ACOX2: variants seen among roughly 807,000 people sequenced by gnomAD.
The protein encoded by ACOX2 is acyl-CoA oxidase 2.
ACOX2 carries 59 observed loss-of-function variants against 77.5 expected under a neutral mutation model. The observed-to-expected ratio is 0.76, with a 90% confidence interval of 0.62 to 0.95. ACOX2 has a LOEUF of 0.95. Ranked by LOEUF, ACOX2 falls within the 40% of genes least tolerant of loss-of-function variation. The pLI is 0.00. For missense variants in ACOX2, 837 were observed against 880.4 expected (o/e 0.95, Z 0.62); for synonymous variants, 317 against 340.1 (o/e 0.93, Z 0.75).
chr3:58,516,379 C>T (rs2063322223), intron 13 of ACOX2, among the ~76,000 whole-genome samples: 1 of 152,200 alleles, frequency 6.6e-6, no homozygotes, highest in African/African-American at 2.4e-5. Context: ...TTGTACCCAG[C>T]CCCTCCTCTG....
intron 12 of ACOX2, among the ~76,000 whole-genome samples, chr3:58,520,946 C>G (rs2063353902): frequency 6.6e-6 from 1 of 152,206 alleles, no homozygotes. Flanking sequence ...TTTCCTCACC[C>G]TTGAAGTGGA....
rs2063372330 is a variant in ACOX2, at chr3:58,523,254, A to G, written c.1527-653T>C. Among the ~76,000 whole-genome samples, 1 of 152,228 alleles carries G rather than the reference A, an allele frequency of 6.6e-6. No individual in the cohort carries two copies. The highest frequency in any genetic ancestry group is 1.5e-5 in the Non-Finnish European group (1 of 68,050). ...TTTTTTGCTTTGTCAGGGAATAGAT[A>G]AGCAGATGTCACACTGAGTTTCAAG... is the stretch of plus-strand genomic sequence containing the variant. On this transcript the variant is annotated intron_variant, in intron 11 of 14. Transcript: ENST00000302819. The surrounding 1 kb of genome is among the most constrained non-coding windows in gnomAD (Gnocchi z 5.3).
intron 8 of ACOX2, among the ~76,000 whole-genome samples, chr3:58,529,783 C>T (rs537861585): frequency 5.3e-5 from 8 of 152,362 alleles, no homozygotes; most frequent in African/African-American, 1.9e-4. Context: ...TCACCCTCCA[C>T]ACCACACTGA....
Position 58,531,878 on chromosome 3 carries a change from A to G in ACOX2, c.584-66T>C. The stretch of plus-strand genomic sequence containing the variant: ...GTGCATTGCTTTTCCCAACCAACCC[A>G]GCCTCCTGGGGCTGGGGTTTTGGAT... On this transcript the variant is annotated intron_variant, in intron 5 of 14. Coordinates refer to ENST00000302819, the MANE Select transcript of ACOX2 (RefSeq NM_003500.4). This position sits in a 1 kb window ranked among gnomAD's most constrained non-coding sequence, Gnocchi z 5.8. 4.6e-6 allele frequency: 7 copies of G among 1,530,852 alleles called. No individual in the cohort carries two copies. Among genetic ancestry groups the G allele is most frequent in the Non-Finnish European group, 6.1e-6 (7 of 1,140,946 alleles). The allele number at this position is 1,530,852 out of a possible 1,614,324, so 94.8% of individuals were successfully genotyped here.
At position 58,517,287 on chromosome 3, in the gene ACOX2, TC is replaced by T; in HGVS notation, c.1768del (p.Asp590ThrfsTer26). ...AIHGILTNSG[D>X]FLHDAFLSGA... ...AGACAGGAAGGCGTCATGGAGAAAG[TC>T]ACCCGAGTTAGTCAAGATTCCATGT... On this transcript the variant is annotated frameshift_variant, in exon 13 of 15. Coordinates refer to ENST00000302819, the MANE Select transcript of ACOX2 (RefSeq NM_003500.4). LOFTEE classifies it high-confidence loss of function. 1 of 1,614,196 alleles carries T rather than the reference TC, an allele frequency of 6.2e-7. No homozygotes were observed. The highest frequency in any genetic ancestry group is 8.5e-7 in the Non-Finnish European group (1 of 1,180,040).
chr3:58,520,982 C>A (rs1352901059), intron 12 of ACOX2, among the ~76,000 whole-genome samples: 1 of 152,196 alleles, frequency 6.6e-6, no homozygotes, highest in Non-Finnish European at 1.5e-5. Flanking sequence ...CCTCCCAGGG[C>A]TGTGTGGATT....
Position 58,521,294 on chromosome 3 carries a change from G to T in ACOX2, c.1632+1202C>A, listed in dbSNP as rs563947709. ...GCCTGACCAGCCCTGTCCCACGAGG[G>T]CCTCTGCAGCCCTTCAGGGCTCTCC... On this transcript the variant is annotated intron_variant, in intron 12 of 14. Coordinates refer to ENST00000302819, the MANE Select transcript of ACOX2 (RefSeq NM_003500.4). The surrounding 1 kb of genome is among the most constrained non-coding windows in gnomAD (Gnocchi z 4.8). Among the ~76,000 whole-genome samples, 3 of 152,196 alleles carry T rather than the reference G, an allele frequency of 2.0e-5. No individual in the cohort carries two copies. The highest frequency in any genetic ancestry group is 7.2e-5 in the African/African-American group (3 of 41,442).
At chr3:58,530,139 C>T (rs1249718040) in intron 8 of ACOX2, among the ~76,000 whole-genome samples, 1 of 152,382 alleles carries the variant, frequency 6.6e-6, no homozygotes, top group South Asian at 2.1e-4. Flanking sequence ...CCGCACAGAA[C>T]ACGGCTGGAC....
In ACOX2 at chr3:58,531,889, G is replaced by T. The variant is rs946625581; in HGVS notation, c.584-77C>A. Reference sequence around the variant, plus strand: ...TTCCCAACCAACCCAGCCTCCTGGGGCTGGGGTTTTGGATGGGTACCTCTG... The same window carrying T: ...TTCCCAACCAACCCAGCCTCCTGGGTCTGGGGTTTTGGATGGGTACCTCTG... On this transcript the variant is annotated intron_variant, in intron 5 of 14. Transcript: ENST00000302819. This position sits in a 1 kb window ranked among gnomAD's most constrained non-coding sequence, Gnocchi z 5.8. 26 of 1,507,306 alleles carry T rather than the reference G, an allele frequency of 1.7e-5. No homozygotes were observed. The East Asian group carries it at 4.7e-4, about 27-fold the overall frequency. 93.4% of individuals were successfully genotyped at this position (1,507,306 alleles called of 1,614,324 possible).
Position 58,522,365 on chromosome 3 carries a change from G to C in ACOX2, c.1632+131C>G. On this transcript the variant is annotated intron_variant, in intron 12 of 14. Transcript: ENST00000302819. The surrounding 1 kb of genome is among the most constrained non-coding windows in gnomAD (Gnocchi z 4.3). ...TTAAAATACCCTGGACTAAAGCCTT[G>C]GAAGTGAAATGAGGGCAGCCGCCAC... 1 of 792,604 alleles carries C rather than the reference G, an allele frequency of 1.3e-6. No individual in the cohort carries two copies. Among genetic ancestry groups the C allele is most frequent in the Non-Finnish European group, 2.1e-6 (1 of 483,464 alleles). 49.1% of individuals were successfully genotyped at this position (792,604 alleles called of 1,614,324 possible).
Position 58,515,086 on chromosome 3 carries a change from C to T in ACOX2, c.1850+2120G>A, listed in dbSNP as rs185725577. 1.3e-4 allele frequency among the ~76,000 whole-genome samples: 20 copies of T among 151,904 alleles called. No homozygotes were observed. The highest frequency in any genetic ancestry group is 3.9e-4 in the East Asian group (2 of 5,156). ...TCGCCAAGGCTGGAGTGCAGTGGTA[C>T]GATCTTGGCTCACGGCAGCCTCTGC... is the stretch of plus-strand genomic sequence containing the variant. On this transcript the variant is annotated intron_variant, in intron 13 of 14. Transcript: ENST00000302819. This position sits in a 1 kb window ranked among gnomAD's most constrained non-coding sequence, Gnocchi z 4.0.
rs1218415125 is a variant in ACOX2, at chr3:58,524,479, G to A, written c.1473C>T (p.Ala491=). 5.1e-6 allele frequency: 8 copies of A among 1,562,184 alleles called. No homozygotes were observed. In the South Asian group the frequency reaches 5.9e-5, roughly 11 times the overall value. Reference sequence around the variant, plus strand: ...TGTAGAGCTCCGGGCAGAGGAAGTCGGCTGCCCTCTGGGCTGGACACCTGG... The same window carrying A: ...TGTAGAGCTCCGGGCAGAGGAAGTCAGCTGCCCTCTGGGCTGGACACCTGG... ...DLARCPAQRA[A]DFLCPELYTT... The change falls in exon 11 of 15, where the codon GCC becomes GCT. Residue 491 remains alanine, a synonymous_variant. Coordinates refer to ENST00000302819, the MANE Select transcript of ACOX2 (RefSeq NM_003500.4). This position sits in a 1 kb window ranked among gnomAD's most constrained non-coding sequence, Gnocchi z 5.5.
In ACOX2 at chr3:58,528,704, G is replaced by T; in HGVS notation, c.1155+90C>A. 1 of 1,427,292 alleles carries T rather than the reference G, an allele frequency of 7.0e-7. No individual in the cohort carries two copies. Among genetic ancestry groups the T allele is most frequent in the Non-Finnish European group, 9.2e-7 (1 of 1,082,440 alleles). 88.4% of individuals were successfully genotyped at this position (1,427,292 alleles called of 1,614,324 possible). ...AGAGGTGGGGGTGGGGAGTGCCCAT[G>T]GGGATGGGGCTGTGGCTGCTCCCCA... On this transcript the variant is annotated intron_variant, in intron 9 of 14. Coordinates refer to ENST00000302819, the MANE Select transcript of ACOX2 (RefSeq NM_003500.4). This position sits in a 1 kb window ranked among gnomAD's most constrained non-coding sequence, Gnocchi z 5.6.
At chr3:58,529,790 C>CT (rs1401634990) in intron 8 of ACOX2, among the ~76,000 whole-genome samples, 2 of 152,254 alleles carry the variant, frequency 1.3e-5, no homozygotes, top group Admixed American at 6.5e-5. Flanking sequence ...CCACACCACA[C>CT]TGAAAGGCCA....
In ACOX2 at chr3:58,523,803, G is replaced by C. The variant is rs1361363597; in HGVS notation, c.1526+623C>G. ...ATTCAGAACGTTTTCTTTTTAGGTA[G>C]TTAAACCTCCATCTTTTCCATGGTG... is the stretch of plus-strand genomic sequence containing the variant. On this transcript the variant is annotated intron_variant, in intron 11 of 14. Transcript: ENST00000302819. This position sits in a 1 kb window ranked among gnomAD's most constrained non-coding sequence, Gnocchi z 5.3. Among the ~76,000 whole-genome samples, 1 of 152,134 alleles carries C rather than the reference G, an allele frequency of 6.6e-6. No homozygotes were observed. Among genetic ancestry groups the C allele is most frequent in the African/African-American group, 2.4e-5 (1 of 41,430 alleles).
In ACOX2 at chr3:58,531,806, C is replaced by T. The variant is rs750988349; in HGVS notation, c.590G>A (p.Arg197Gln). The change falls in exon 6 of 15, where the codon CGG (arginine) becomes CAG (glutamine). Residue 197 changes from arginine (R) to glutamine (Q), a missense_variant. Arg to Gln is a conservative substitution (Grantham distance 43). Coordinates refer to ENST00000302819, the MANE Select transcript of ACOX2 (RefSeq NM_003500.4). The surrounding 1 kb of genome is among the most constrained non-coding windows in gnomAD (Gnocchi z 5.8). ...CTGGACCAGGGCATGGGTGGCTGAC[C>T]GTCCCACTGAGGGCAGAGAGAGTAG... ...ATKWWPGDLG[R>Q]SATHALVQAQ... 3.8e-5 allele frequency: 62 copies of T among 1,613,286 alleles called. No homozygotes were observed. The highest frequency in any genetic ancestry group is 6.6e-5 in the South Asian group (6 of 90,954).
Position 58,512,073 on chromosome 3 carries a change from A to G in ACOX2, c.1851-3048T>C, listed in dbSNP as rs2107989357. ...ATCCCTCCAGTGTCCCCTGCTTACC[A>G]ACATCTGTACTTGGATTTCTGATAG... On this transcript the variant is annotated intron_variant, in intron 13 of 14. Transcript: ENST00000302819. This position sits in a 1 kb window ranked among gnomAD's most constrained non-coding sequence, Gnocchi z 4.8. Among the ~76,000 whole-genome samples the G allele has an allele frequency of 6.6e-6, 1 of 152,146 alleles. No homozygotes were observed. The highest frequency in any genetic ancestry group is 1.9e-4 in the East Asian group (1 of 5,194).
chr3:58,506,681 C>G (rs1056934659), intron 14 of ACOX2, among the ~76,000 whole-genome samples: 3 of 152,120 alleles, frequency 2.0e-5, no homozygotes, highest in Non-Finnish European at 2.9e-5. Flanking sequence ...CCTGTAATGC[C>G]AGCTACTTGG....
intron 8 of ACOX2, among the ~76,000 whole-genome samples, chr3:58,530,048 G>A (rs934893972): frequency 4.6e-5 from 7 of 152,204 alleles, no homozygotes; most frequent in Admixed American, 2.0e-4. Flanking sequence ...TGCTAGGCTC[G>A]GCCTGACAGA....
Sources: allele counts gnomAD v4.1 joint callset (sites outside exome capture counted in the v4.1 genomes callset), GRCh38; gene constraint gnomAD v4.1.1; non-coding constraint Gnocchi (gnomAD v3.1); transcripts MANE v1.5; gene names NCBI Gene and HGNC (gene_info 2026-07-23, HGNC 2026-07-21).